Variants in SLC36A1 observed in about 807,000 individuals in gnomAD.
The protein encoded by SLC36A1 is proton-coupled amino acid transporter 1.
In SLC36A1, 30 loss-of-function variants were observed where a neutral mutation model predicts 47.5. The observed-to-expected ratio is 0.63, with a 90% CI of 0.47 to 0.86. The LOEUF is 0.86. Among genes scored for constraint, SLC36A1 ranks in the 40% least tolerant of loss-of-function variants. The pLI, the probability that SLC36A1 is intolerant of heterozygous loss-of-function variation, is 0.00. For missense variants in SLC36A1, 517 were observed against 606.0 expected, an observed-to-expected ratio of 0.85 and a Z score of 1.54; for synonymous variants, 255 against 249.7, an observed-to-expected ratio of 1.02 and a Z score of -0.20.
intron 10 of SLC36A1, among the ~76,000 whole-genome samples, chr5:151,481,009 A>C (rs1016924935): frequency 6.6e-5 from 10 of 152,174 alleles, no homozygotes; most frequent in Non-Finnish European, 1.3e-4. Context: ...CTCCCTGCCC[A>C]ATTTTCCCCT....
the SLC36A1 span, chr5:151,550,705 C>T: frequency 6.2e-7 from 1 of 1,614,188 alleles, no homozygotes; most frequent in South Asian, 1.1e-5. Context: ...TGGGTCTTGG[C>T]TGCCATGTAT....
chr5:151,350,029 G>A, the SLC36A1 span, among the ~76,000 whole-genome samples: 4 of 152,150 alleles, frequency 2.6e-5, no homozygotes, highest in Admixed American at 1.3e-4. Context: ...TGGTAGAAAT[G>A]ATCACTGGTA....
the SLC36A1 span, among the ~76,000 whole-genome samples, chr5:151,395,348 G>A: frequency 1.6e-3 from 250 of 152,326 alleles, 1 homozygote; most frequent in East Asian, 0.019. Context: ...GACCCCTTGC[G>A]CTTCCCGGGT....
At chr5:151,545,104 C>T in the SLC36A1 span, 2 of 1,614,188 alleles carry the variant, frequency 1.2e-6, no homozygotes, top group Non-Finnish European at 1.7e-6. Flanking sequence ...CATATCTGTG[C>T]CATTCAAGAG....
intron 2 of SLC36A1, among the ~76,000 whole-genome samples, chr5:151,461,716 G>A (rs1210981562): frequency 7.2e-5 from 11 of 152,144 alleles, no homozygotes; most frequent in Admixed American, 7.2e-4. Flanking sequence ...TATACTAGTT[G>A]TCGTTGTATT....
the SLC36A1 span, chr5:151,542,544 C>G: frequency 3.7e-6 from 6 of 1,614,092 alleles, no homozygotes; most frequent in African/African-American, 6.7e-5. Context: ...AGTCAAGTTC[C>G]TGGAGTGTGG....
the SLC36A1 span, among the ~76,000 whole-genome samples, chr5:151,397,362 G>A: frequency 2.0e-5 from 3 of 152,226 alleles, no homozygotes; most frequent in South Asian, 4.1e-4. Context: ...GCCTGAGAAC[G>A]TGAGTGCTTT....
At chr5:151,396,274 G>A in the SLC36A1 span, among the ~76,000 whole-genome samples, 1 of 151,210 alleles carries the variant, frequency 6.6e-6, no homozygotes. Context: ...CACCATGCCC[G>A]ACTAATTTAG....
chr5:151,402,619 G>C, the SLC36A1 span, among the ~76,000 whole-genome samples: 16 of 152,020 alleles, frequency 1.1e-4, no homozygotes, highest in African/African-American at 3.9e-4. Context: ...ATCTGGTCTA[G>C]GGTCAAATAA....
chr5:151,550,716 G>T, the SLC36A1 span: 1 of 1,614,060 alleles, frequency 6.2e-7, no homozygotes, highest in Non-Finnish European at 8.5e-7. Context: ...TGCCATGTAT[G>T]GTATAGATGA....
intron 7 of SLC36A1, among the ~76,000 whole-genome samples, chr5:151,468,962 A>G (rs1010940315): frequency 1.3e-5 from 2 of 152,176 alleles, no homozygotes; most frequent in Admixed American, 1.3e-4. Context: ...ACATCTGTAT[A>G]CAGATGGGTA....
the SLC36A1 span, among the ~76,000 whole-genome samples, chr5:151,424,951 T>C: frequency 6.6e-6 from 1 of 152,186 alleles, no homozygotes; most frequent in Non-Finnish European, 1.5e-5. Flanking sequence ...CATTGAGTTG[T>C]ACACTAAAAA....
chr5:151,406,268 G>A, the SLC36A1 span, among the ~76,000 whole-genome samples: 2 of 152,214 alleles, frequency 1.3e-5, no homozygotes, highest in African/African-American at 4.8e-5. Context: ...AGTCAGAGCA[G>A]GCTTCGAAGT....
chr5:151,391,255 T>G, the SLC36A1 span, among the ~76,000 whole-genome samples: 6 of 152,226 alleles, frequency 3.9e-5, no homozygotes, highest in Admixed American at 1.3e-4. Flanking sequence ...CATTGATTTT[T>G]TATCCTGAGA....
the SLC36A1 span, among the ~76,000 whole-genome samples, chr5:151,397,283 G>C: frequency 6.6e-6 from 1 of 152,286 alleles, no homozygotes; most frequent in East Asian, 1.9e-4. Flanking sequence ...CATACACATG[G>C]AGCCCATTCC....
At chr5:151,527,030 G>T in the SLC36A1 span, among the ~76,000 whole-genome samples, 4 of 152,238 alleles carry the variant, frequency 2.6e-5, no homozygotes, top group African/African-American at 9.6e-5. Context: ...TCTCAAATGA[G>T]GTAATGGATA....
chr5:151,554,447 T>C, the SLC36A1 span: 3 of 1,614,218 alleles, frequency 1.9e-6, no homozygotes, highest in Non-Finnish European at 2.5e-6. Flanking sequence ...GGCCTCCTCA[T>C]CGCTGTCCTC....
At chr5:151,468,588 G>A (rs1038657608) in intron 7 of SLC36A1, among the ~76,000 whole-genome samples, 1 of 151,314 alleles carries the variant, frequency 6.6e-6, no homozygotes, top group African/African-American at 2.4e-5. Context: ...GCATTGTGGG[G>A]TGTTTAGCAG....
At chr5:151,367,360 C>CTTTTTTTTTTT in the SLC36A1 span, among the ~76,000 whole-genome samples, 1 of 64,370 alleles carries the variant, frequency 1.6e-5, no homozygotes, top group African/African-American at 1.5e-4. Flanking sequence ...CCCAGGAATG[C>CTTTTTTTTTTT]ATTTTTTTTT....
Sources: allele counts gnomAD v4.1 joint callset (sites outside exome capture counted in the v4.1 genomes callset), GRCh38; gene constraint gnomAD v4.1.1; transcripts MANE v1.5; gene names NCBI Gene and HGNC (gene_info 2026-07-23, HGNC 2026-07-21).